Variants in MCHR2 observed in about 807,000 individuals in gnomAD.
MCHR2 encodes the protein melanin concentrating hormone receptor 2, also known as melanin-concentrating hormone receptor 2.
A neutral mutation model predicts 24.8 loss-of-function variants in MCHR2; 15 were observed. That is an observed-to-expected ratio of 0.60 (90% confidence interval 0.40 to 0.93). MCHR2 has a LOEUF of 0.93. Among genes scored for constraint, MCHR2 ranks in the 40% least tolerant of loss-of-function variants. MCHR2 has a pLI of 0.00. For synonymous variants in MCHR2, 151 were observed against 147.6 expected, an observed-to-expected ratio of 1.02 and a Z score of -0.17; for missense variants, 386 against 408.7, an observed-to-expected ratio of 0.94 and a Z score of 0.48.
intron 4 of MCHR2, among the ~76,000 whole-genome samples, chr6:99,937,420 T>G (rs1178104366): frequency 6.6e-6 from 1 of 151,998 alleles, no homozygotes; most frequent in Non-Finnish European, 1.5e-5. Context: ...CAGAAAGGGA[T>G]GCTGAATTTT....
chr6:99,933,190 A>G (rs993506107), intron 5 of MCHR2, among the ~76,000 whole-genome samples: 4 of 152,134 alleles, frequency 2.6e-5, no homozygotes, highest in African/African-American at 9.7e-5. Context: ...GCTAAAAATC[A>G]TTTGATTCCC....
At chr6:99,940,836 A>G (rs1308690531) in intron 4 of MCHR2, among the ~76,000 whole-genome samples, 2 of 152,026 alleles carry the variant, frequency 1.3e-5, no homozygotes, top group Non-Finnish European at 2.9e-5. Flanking sequence ...GGAAGTCCCA[A>G]AGGAGATATC....
At chr6:99,937,661 A>G (rs1262059912) in intron 4 of MCHR2, among the ~76,000 whole-genome samples, 4 of 150,586 alleles carry the variant, frequency 2.7e-5, no homozygotes, top group African/African-American at 9.8e-5. Context: ...ATTGGTCTGT[A>G]GTTTTGTTTT....
At chr6:99,958,319 A>G (rs1021839171) in intron 1 of MCHR2, among the ~76,000 whole-genome samples, 1 of 152,076 alleles carries the variant, frequency 6.6e-6, no homozygotes, top group Non-Finnish European at 1.5e-5. Flanking sequence ...AATATATATT[A>G]TACATACACA....
chr6:99,927,440 T>G (rs894433766), intron 5 of MCHR2, among the ~76,000 whole-genome samples: 23 of 152,238 alleles, frequency 1.5e-4, no homozygotes, highest in African/African-American at 5.5e-4. Context: ...TTGGCCATTT[T>G]CATGATGTTG....
chr6:99,965,935 T>C (rs1775289279), intron 1 of MCHR2, among the ~76,000 whole-genome samples: 1 of 152,198 alleles, frequency 6.6e-6, no homozygotes, highest in Admixed American at 6.6e-5. Flanking sequence ...TCATAAGATT[T>C]GGGAGTATAA....
intron 5 of MCHR2, among the ~76,000 whole-genome samples, chr6:99,929,133 T>A (rs546670147): frequency 3.3e-5 from 5 of 152,214 alleles, no homozygotes. Flanking sequence ...TCAGTTTCCA[T>A]GTAGTTGAGC....
At chr6:99,979,064 G>A (rs1775615872) in intron 1 of MCHR2, among the ~76,000 whole-genome samples, 1 of 152,046 alleles carries the variant, frequency 6.6e-6, no homozygotes, top group Non-Finnish European at 1.5e-5. Flanking sequence ...GGTTGGATGG[G>A]GAATATCATT....
chr6:99,971,565 C>A (rs1021334479), intron 1 of MCHR2, among the ~76,000 whole-genome samples: 7 of 152,128 alleles, frequency 4.6e-5, no homozygotes, highest in Admixed American at 1.3e-4. Context: ...CTTCTCCTGC[C>A]TCATTGCCCT....
Position 99,943,017 on chromosome 6 carries a change from C to T in MCHR2, c.519G>A (p.Lys173=), listed in dbSNP as rs182950617. The change falls in exon 4 of 6, where the codon AAG becomes AAA. Residue 173 remains lysine (K), a synonymous_variant. Coordinates refer to ENST00000281806, the MANE Select transcript of MCHR2 (RefSeq NM_001040179.2). ...ILALPVWVYS[K]VIKFKDGVES... is the part of the protein sequence containing the mutation. ...CAACACCGTCTTTAAATTTGATGAC[C>T]TTCGAGTAGACCCAGACAGGCAATG... 182 of 1,613,062 alleles carry T rather than the reference C, an allele frequency of 1.1e-4. No individual in the cohort carries two copies. Among genetic ancestry groups the T allele is most frequent in the Admixed American group, 5.7e-4 (34 of 59,920 alleles).
chr6:99,929,053 G>T (rs917949313), intron 5 of MCHR2, among the ~76,000 whole-genome samples: 1 of 152,062 alleles, frequency 6.6e-6, no homozygotes, highest in Non-Finnish European at 1.5e-5. Flanking sequence ...GTTCTCGTTG[G>T]TTTCAAAGAA....
chr6:99,971,998 T>C (rs1775432789), intron 1 of MCHR2, among the ~76,000 whole-genome samples: 1 of 152,258 alleles, frequency 6.6e-6, no homozygotes, highest in Admixed American at 6.5e-5. Context: ...TCAATGTTCA[T>C]CAAGGATATT....
intron 5 of MCHR2, among the ~76,000 whole-genome samples, chr6:99,926,894 G>T (rs1306098921): frequency 6.6e-6 from 1 of 152,152 alleles, no homozygotes; most frequent in Non-Finnish European, 1.5e-5. Flanking sequence ...TGGTGTTTTA[G>T]ACATGAAGTC....
intron 1 of MCHR2, among the ~76,000 whole-genome samples, chr6:99,977,067 A>G (rs750575774): frequency 6.6e-6 from 1 of 152,228 alleles, no homozygotes; most frequent in Non-Finnish European, 1.5e-5. Context: ...TGGTATAAGT[A>G]AATACTTAGC....
intron 1 of MCHR2, among the ~76,000 whole-genome samples, chr6:99,963,276 T>C (rs1263162745): frequency 2.0e-5 from 3 of 152,016 alleles, no homozygotes; most frequent in African/African-American, 4.8e-5. Context: ...TGAACACTGA[T>C]AGATGAATGT....
Position 99,935,179 on chromosome 6 carries a change from T to C in MCHR2, c.588-662A>G, listed in dbSNP as rs1774631067. Among the ~76,000 whole-genome samples the C allele has an allele frequency of 2.0e-5, 3 of 152,078 alleles. No homozygotes were observed. In the South Asian group the frequency reaches 6.2e-4, roughly 31 times the overall value. ...CAAATCAGTGTACTTGGAATATCCA[T>C]CACCTTAAATATTTGTCTTTTTAAA... On this transcript the variant is annotated intron_variant, in intron 4 of 5. Coordinates refer to ENST00000281806, the MANE Select transcript of MCHR2 (RefSeq NM_001040179.2).
At chr6:99,922,934 A>G (rs946568725) in intron 5 of MCHR2, among the ~76,000 whole-genome samples, 4 of 152,004 alleles carry the variant, frequency 2.6e-5, no homozygotes, top group African/African-American at 7.2e-5. Flanking sequence ...GAAGAATATC[A>G]TTGGTATTTT....
At chr6:99,921,769 G>T (rs1582363100) in intron 5 of MCHR2, among the ~76,000 whole-genome samples, 1 of 151,746 alleles carries the variant, frequency 6.6e-6, no homozygotes, top group Non-Finnish European at 1.5e-5. Context: ...TCACCCTCAG[G>T]CCCCTACTAC....
intron 3 of MCHR2, among the ~76,000 whole-genome samples, chr6:99,947,326 C>A (rs1404932369): frequency 6.6e-6 from 1 of 152,086 alleles, no homozygotes; most frequent in African/African-American, 2.4e-5. Flanking sequence ...GTGGACATAT[C>A]AGAAATAGCC....
Sources: allele counts gnomAD v4.1 joint callset (sites outside exome capture counted in the v4.1 genomes callset), GRCh38; gene constraint gnomAD v4.1.1; transcripts MANE v1.5; gene names NCBI Gene and HGNC (gene_info 2026-07-23, HGNC 2026-07-21).